The following TUSC3 variants were observed in gnomAD, a reference collection of about 807,000 sequenced individuals.
TUSC3 encodes dolichyl-diphosphooligosaccharide--protein glycosyltransferase subunit TUSC3.
TUSC3 carries 45 observed loss-of-function variants against 44.8 expected under a neutral mutation model. That is an observed-to-expected ratio of 1.00 (90% CI 0.79 to 1.29). TUSC3 has a LOEUF of 1.29. Ranked by LOEUF, TUSC3 falls within the 50% of genes most tolerant of loss-of-function variation. The probability of loss-of-function intolerance (pLI) is 0.00; values close to 1 mark genes in which losing one functional copy is unlikely to be tolerated. For synonymous variants in TUSC3, 212 were observed against 152.9 expected (o/e 1.39, Z -2.85); for missense variants, 519 against 437.9 (o/e 1.19, Z -1.65).
the TUSC3 span, among the ~76,000 whole-genome samples, chr8:15,818,985 A>G: frequency 1.3e-5 from 2 of 152,248 alleles, no homozygotes; most frequent in East Asian, 3.9e-4. Context: ...GTGCCTTGGG[A>G]GGCTGAGGCA....
intron 6 of TUSC3, among the ~76,000 whole-genome samples, chr8:15,717,122 A>T (rs1810089641): frequency 6.6e-6 from 1 of 152,152 alleles, no homozygotes; most frequent in Admixed American, 6.6e-5. Flanking sequence ...GACATTATAA[A>T]TACGTATGTT....
the TUSC3 span, among the ~76,000 whole-genome samples, chr8:15,846,892 AC>A: frequency 4.7e-3 from 676 of 142,536 alleles, 5 homozygotes; most frequent in African/African-American, 0.018. Context: ...AAAAAAAAAC[AC>A]ACACACAATT....
At chr8:15,752,264 G>A (rs1035211642) in intron 9 of TUSC3, among the ~76,000 whole-genome samples, 1 of 152,046 alleles carries the variant, frequency 6.6e-6, no homozygotes, top group Non-Finnish European at 1.5e-5. Flanking sequence ...CATAATTTGT[G>A]TACAAAGGAA....
intron 2 of TUSC3, among the ~76,000 whole-genome samples, chr8:15,631,816 C>T (rs1477716978): frequency 6.6e-6 from 1 of 151,980 alleles, no homozygotes; most frequent in Non-Finnish European, 1.5e-5. Flanking sequence ...AGCGATTCTC[C>T]TGCCTCAGCC....
chr8:15,645,976 A>T (rs1363413281), intron 2 of TUSC3, among the ~76,000 whole-genome samples: 2 of 152,118 alleles, frequency 1.3e-5, no homozygotes, highest in Non-Finnish European at 2.9e-5. Context: ...CTATGAAACT[A>T]TATTATTCAT....
chr8:15,447,763 T>A (rs1800125831), intron 1 of TUSC3, among the ~76,000 whole-genome samples: 1 of 151,386 alleles, frequency 6.6e-6, no homozygotes, highest in South Asian at 2.1e-4. Context: ...CTGTAGGAAA[T>A]CAAGTGTACA....
intron 2 of TUSC3, among the ~76,000 whole-genome samples, chr8:15,643,999 T>C (rs777740010): frequency 6.6e-6 from 1 of 152,222 alleles, no homozygotes; most frequent in Non-Finnish European, 1.5e-5. Flanking sequence ...GAATCTGCTA[T>C]AAGAAGTTTG....
At chr8:15,629,225 G>A (rs1206162198) in intron 2 of TUSC3, among the ~76,000 whole-genome samples, 1 of 152,038 alleles carries the variant, frequency 6.6e-6, no homozygotes, top group Non-Finnish European at 1.5e-5. Context: ...AGATTATAGA[G>A]GGATGCCTTG....
At chr8:15,448,503 C>G (rs771139973) in intron 1 of TUSC3, among the ~76,000 whole-genome samples, 6 of 152,076 alleles carry the variant, frequency 3.9e-5, no homozygotes, top group Non-Finnish European at 7.4e-5. Flanking sequence ...AGATGTCCCT[C>G]CCAACTCCCT....
At chr8:15,608,291 A>G (rs12334655) in intron 1 of TUSC3, among the ~76,000 whole-genome samples, 2 of 151,714 alleles carry the variant, frequency 1.3e-5, no homozygotes, top group African/African-American at 4.8e-5. Flanking sequence ...TGTGTACTGA[A>G]TTCCTTAGTT....
At chr8:15,433,864 T>C (rs1799910620) in intron 1 of TUSC3, among the ~76,000 whole-genome samples, 2 of 152,156 alleles carry the variant, frequency 1.3e-5, no homozygotes, top group Non-Finnish European at 2.9e-5. Context: ...GGGGTCATTA[T>C]TACAGAAATC....
chr8:15,508,716 G>C (rs577115840), intron 2 of TUSC3, among the ~76,000 whole-genome samples: 1 of 151,972 alleles, frequency 6.6e-6, no homozygotes, highest in Non-Finnish European at 1.5e-5. Context: ...CCGCCTGGGC[G>C]TCCCAAAGTG....
chr8:15,491,528 G>T (rs1193692018), intron 2 of TUSC3, among the ~76,000 whole-genome samples: 2 of 152,090 alleles, frequency 1.3e-5, no homozygotes, highest in Admixed American at 1.3e-4. Flanking sequence ...GAAATTTCTA[G>T]TCAAGAGATA....
intron 1 of TUSC3, among the ~76,000 whole-genome samples, chr8:15,610,161 G>T (rs1404034429): frequency 6.6e-6 from 1 of 152,036 alleles, no homozygotes; most frequent in African/African-American, 2.4e-5. Flanking sequence ...TTGTTTTTAT[G>T]AGGGGCTTTG....
chr8:15,750,083 C>CATT (rs1811629120), intron 9 of TUSC3, among the ~76,000 whole-genome samples: 1 of 150,902 alleles, frequency 6.6e-6, no homozygotes, highest in Non-Finnish European at 1.5e-5. Flanking sequence ...AGGTTCACTC[C>CATT]ATTCTCCTGC....
intron 6 of TUSC3, among the ~76,000 whole-genome samples, chr8:15,695,298 A>G (rs551897639): frequency 6.6e-6 from 1 of 152,324 alleles, no homozygotes; most frequent in East Asian, 1.9e-4. Context: ...TTCTCATGAT[A>G]GTGAATAAGT....
chr8:15,466,162 A>T (rs1800411527), intron 1 of TUSC3, among the ~76,000 whole-genome samples: 1 of 152,146 alleles, frequency 6.6e-6, no homozygotes, highest in Admixed American at 6.5e-5. Context: ...TGAAACATGT[A>T]TGTTAAAGGT....
intron 6 of TUSC3, among the ~76,000 whole-genome samples, chr8:15,720,279 C>T (rs917911881): frequency 7.3e-5 from 11 of 150,304 alleles, no homozygotes; most frequent in East Asian, 2.0e-4. Flanking sequence ...GATAGTTTAC[C>T]GATTAAATAT....
At chr8:15,768,165 T>C (rs1485953917), downstream of TUSC3, among the ~76,000 whole-genome samples, 2 of 152,152 alleles carry the variant, frequency 1.3e-5, no homozygotes, top group East Asian at 3.9e-4. Flanking sequence ...ATCTTTTTTT[T>C]TTCTTTTGTC....
Sources: gnomAD v4.1 joint callset for allele counts (sites outside exome capture counted in the v4.1 genomes callset) on GRCh38, gnomAD v4.1.1 for gene constraint, MANE v1.5 for transcripts, NCBI Gene and HGNC (gene_info 2026-07-23, HGNC 2026-07-21) for gene names.